The following SHANK2 variants were observed in gnomAD, a reference collection of about 807,000 sequenced individuals.
SHANK2 encodes the protein SH3 and multiple ankyrin repeat domains protein 2.
SHANK2 carries 43 observed loss-of-function variants against 133.7 expected under a neutral mutation model. The ratio of observed to expected loss-of-function variants is 0.32; its 90% CI spans 0.25 to 0.41. SHANK2 has a LOEUF of 0.41. Ranked by LOEUF, SHANK2 falls within the 10% of genes least tolerant of loss-of-function variation. SHANK2 has a pLI of 1.00. For missense variants in SHANK2, 1,994 were observed against 2,235.8 expected, an observed-to-expected ratio of 0.89 and a Z score of 2.18; for synonymous variants, 1,017 against 952.8, an observed-to-expected ratio of 1.07 and a Z score of -1.24.
chr11:70,699,527 A>G (rs1945475363), intron 14 of SHANK2, among the ~76,000 whole-genome samples: 1 of 152,224 alleles, frequency 6.6e-6, no homozygotes, highest in African/African-American at 2.4e-5. Context: ...CAAAGAAATT[A>G]TGCAACTGAC....
chr11:70,637,116 C>T (rs563551944), intron 17 of SHANK2, among the ~76,000 whole-genome samples: 19 of 150,618 alleles, frequency 1.3e-4, no homozygotes, highest in African/African-American at 3.9e-4. Context: ...TGTATGTGCA[C>T]GTGTGTGGGT....
Position 70,653,215 on chromosome 11 carries a change from C to T in SHANK2, c.2061+6613G>A, listed in dbSNP as rs374090294. 3.9e-3 allele frequency among the ~76,000 whole-genome samples: 589 copies of T among 152,142 alleles called. 3 individuals are homozygous for T. Among genetic ancestry groups the T allele is most frequent in the African/African-American group, 0.014 (562 of 41,480 alleles). On this transcript the variant is annotated intron_variant, in intron 17 of 25. Transcript: ENST00000601538. ...GTCTCGATTTCCTGACCTCGTGATCCGCCTGCCTTGGCCTCCCAAAGTGCT... is the reference window on the plus strand; with the variant it reads ...GTCTCGATTTCCTGACCTCGTGATCTGCCTGCCTTGGCCTCCCAAAGTGCT...
In SHANK2 at chr11:71,237,435, A is replaced by G. The variant is rs149408418; in HGVS notation, c.-112-12639T>C. On this transcript the variant is annotated intron_variant, in intron 1 of 25. Transcript: ENST00000601538. ...ACACTGCACAGCACGCAAGCACGAC[A>G]TATTTACTATCCAGCCCTGAAATGA... Among the ~76,000 whole-genome samples, 170 of 152,282 alleles carry G rather than the reference A, an allele frequency of 1.1e-3. No homozygotes were observed. The East Asian group carries it at 0.03, about 27-fold the overall frequency.
chr11:70,632,217 G>A (rs2061001488), intron 17 of SHANK2, among the ~76,000 whole-genome samples: 1 of 152,124 alleles, frequency 6.6e-6, no homozygotes, highest in Non-Finnish European at 1.5e-5. Flanking sequence ...TGCCTCCCGG[G>A]TTCATGCCAT....
At chr11:70,888,311 C>T (rs75783869) in intron 11 of SHANK2, among the ~76,000 whole-genome samples, 9,811 of 152,146 alleles carry the variant, frequency 0.064, 649 homozygotes, top group African/African-American at 0.17. Context: ...TGAGGACTCA[C>T]GACATCAAAC....
intron 17 of SHANK2, among the ~76,000 whole-genome samples, chr11:70,534,206 A>T (rs1160122164): frequency 3.9e-5 from 6 of 152,236 alleles, no homozygotes; most frequent in African/African-American, 1.4e-4. Flanking sequence ...GGGAGGCCTC[A>T]GGAAACTTAC....
At chr11:70,803,216 A>G (rs1555050934) in intron 13 of SHANK2, among the ~76,000 whole-genome samples, 1 of 150,326 alleles carries the variant, frequency 6.7e-6, no homozygotes, top group Non-Finnish European at 1.5e-5. Context: ...GCTGCCATGC[A>G]CTCACTCACT....
intron 14 of SHANK2, among the ~76,000 whole-genome samples, chr11:70,740,904 C>G (rs1946509951): frequency 6.6e-6 from 1 of 152,162 alleles, no homozygotes; most frequent in African/African-American, 2.4e-5. Flanking sequence ...CCTGCAGCCC[C>G]TGGCCAGGTG....
At chr11:70,788,691 G>A (rs1947721501) in intron 14 of SHANK2, among the ~76,000 whole-genome samples, 1 of 152,138 alleles carries the variant, frequency 6.6e-6, no homozygotes, top group Non-Finnish European at 1.5e-5. Flanking sequence ...AAACCAAGAG[G>A]TCCCCATCCT....
At chr11:70,541,125 C>A (rs1671449431) in intron 17 of SHANK2, among the ~76,000 whole-genome samples, 2 of 152,320 alleles carry the variant, frequency 1.3e-5, no homozygotes, top group South Asian at 4.1e-4. Context: ...GCATAATATC[C>A]TCAAGGGTCC....
At chr11:70,933,622 T>A (rs899875014) in intron 10 of SHANK2, among the ~76,000 whole-genome samples, 16 of 152,122 alleles carry the variant, frequency 1.1e-4, no homozygotes, top group African/African-American at 3.4e-4. Context: ...TGTAATTTTT[T>A]AAAAAAGCAA....
chr11:70,729,465 A>G (rs1946238668), intron 14 of SHANK2, among the ~76,000 whole-genome samples: 1 of 151,304 alleles, frequency 6.6e-6, no homozygotes, highest in Non-Finnish European at 1.5e-5. Context: ...TGAGCGAGAG[A>G]GAGGTGGCTG....
chr11:70,779,962 C>T (rs1947447242), intron 14 of SHANK2, among the ~76,000 whole-genome samples: 1 of 68,328 alleles, frequency 1.5e-5, no homozygotes, highest in African/African-American at 3.6e-5. Context: ...AGGACTCTCG[C>T]TAAGAAGCTA....
chr11:70,841,222 G>C (rs1565354145), intron 11 of SHANK2, among the ~76,000 whole-genome samples: 1 of 152,176 alleles, frequency 6.6e-6, no homozygotes. Flanking sequence ...AGTGAGCTGA[G>C]ATGGCACCAC....
chr11:70,835,233 T>C (rs1409609803), intron 11 of SHANK2, among the ~76,000 whole-genome samples: 1 of 152,162 alleles, frequency 6.6e-6, no homozygotes, highest in Non-Finnish European at 1.5e-5. Context: ...GGGCGTGCAA[T>C]GGCTTACGGG....
intron 11 of SHANK2, among the ~76,000 whole-genome samples, chr11:70,854,624 T>C (rs1320151293): frequency 6.6e-6 from 1 of 152,194 alleles, no homozygotes; most frequent in South Asian, 2.1e-4. Flanking sequence ...GGGAAGGAGA[T>C]GCAGAAGTGG....
Position 70,500,525 on chromosome 11 carries a change from G to A in SHANK2, c.2308+45C>T, listed in dbSNP as rs782485673. The A allele has an allele frequency of 3.3e-5, 53 of 1,589,578 alleles. No individual in the cohort carries two copies. The highest frequency in any genetic ancestry group is 4.4e-5 in the Non-Finnish European group (51 of 1,168,168). On this transcript the variant is annotated intron_variant, in intron 21 of 25. Coordinates refer to ENST00000601538, the MANE Select transcript of SHANK2 (RefSeq NM_012309.5). The surrounding 1 kb of genome is among the most constrained non-coding windows in gnomAD (Gnocchi z 4.5). Reference sequence around the variant, plus strand: ...ACAAAGGATGTTTCTGTTCCACAGGGGGGTGATGGGCAGGGGGCTGAGACA... The same window carrying A: ...ACAAAGGATGTTTCTGTTCCACAGGAGGGTGATGGGCAGGGGGCTGAGACA...
At chr11:70,491,785 G>T (rs954046185) in intron 22 of SHANK2, among the ~76,000 whole-genome samples, 2 of 152,224 alleles carry the variant, frequency 1.3e-5, no homozygotes, top group African/African-American at 2.4e-5. Context: ...TTCCAGCTGT[G>T]TGCCCTCCTG....
chr11:70,738,337 T>C (rs1199344817), intron 14 of SHANK2, among the ~76,000 whole-genome samples: 1 of 152,250 alleles, frequency 6.6e-6, no homozygotes, highest in Non-Finnish European at 1.5e-5. Context: ...CTCTGTCTTC[T>C]GTGCACCAAC....
Sources: allele counts gnomAD v4.1 joint callset (sites outside exome capture counted in the v4.1 genomes callset), GRCh38; gene constraint gnomAD v4.1.1; non-coding constraint Gnocchi (gnomAD v3.1); transcripts MANE v1.5; gene names NCBI Gene and HGNC (gene_info 2026-07-23, HGNC 2026-07-21).